Variants in TNFRSF11A observed in about 807,000 individuals in gnomAD.
The protein encoded by TNFRSF11A is TNF receptor superfamily member 11a, also known as tumor necrosis factor receptor superfamily member 11A.
In TNFRSF11A, 32 loss-of-function variants were observed where a neutral mutation model predicts 55.7. The ratio of observed to expected loss-of-function variants is 0.57; its 90% CI spans 0.43 to 0.77. The LOEUF (loss-of-function observed/expected upper bound fraction) is 0.77, where lower values mean the gene tolerates loss of function less well. TNFRSF11A is among the 30% of genes least tolerant of loss of function. The pLI is 0.00. For synonymous variants in TNFRSF11A, 311 were observed against 331.0 expected (o/e 0.94, Z 0.65); for missense variants, 753 against 809.8 (o/e 0.93, Z 0.85).
Position 62,354,246 on chromosome 18 carries a change from C to A in TNFRSF11A, c.284-145C>A, listed in dbSNP as rs1056472354. ...AAGTGCGAGGAGGAACTTGGGACTTCTCGAGCAGTGTCCTGGTGATTCACT... is the reference window on the plus strand; with the variant it reads ...AAGTGCGAGGAGGAACTTGGGACTTATCGAGCAGTGTCCTGGTGATTCACT... On this transcript the variant is annotated intron_variant, in intron 3 of 9. Coordinates refer to ENST00000586569, the MANE Select transcript of TNFRSF11A (RefSeq NM_003839.4). 51 of 1,044,072 alleles carry A rather than the reference C, an allele frequency of 4.9e-5. 3 individuals carry two copies. The South Asian group carries it at 9.5e-4, about 20-fold the overall frequency. The allele number at this position is 1,044,072 out of a possible 1,614,324, so 64.7% of individuals were successfully genotyped here.
chr18:62,359,957 G>A lies in TNFRSF11A; in HGVS notation c.524G>A (p.Cys175Tyr). 1.2e-6 allele frequency: 2 copies of A among 1,613,770 alleles called. No homozygotes were observed. Among genetic ancestry groups the A allele is most frequent in the Non-Finnish European group, 1.7e-6 (2 of 1,179,688 alleles). The change falls in exon 6 of 10, where the codon TGT (cysteine) becomes TAT (tyrosine). Residue 175 changes from cysteine to tyrosine, a missense_variant and splice_region_variant. By Grantham distance (194) the Cys-to-Tyr change is radical. Transcript: ENST00000586569. ...CTGAACCACCTTTTCCCCCACAGCTGTACCTTCCTTGGAAAGAGAGTAGAA... is the reference window on the plus strand; with the variant it reads ...CTGAACCACCTTTTCCCCCACAGCTATACCTTCCTTGGAAAGAGAGTAGAA... The part of the protein sequence containing the change: ...STDKCRPWTN[C>Y]TFLGKRVEHH...
chr18:62,345,447 C>T (rs2046369103), intron 1 of TNFRSF11A, among the ~76,000 whole-genome samples: 1 of 152,002 alleles, frequency 6.6e-6, no homozygotes, highest in Non-Finnish European at 1.5e-5. Flanking sequence ...TATCATGTAA[C>T]TAGAGAACAA....
At chr18:62,348,411 T>G (rs1385787214) in intron 2 of TNFRSF11A, among the ~76,000 whole-genome samples, 162 bp downstream of exon 2, 1 of 152,144 alleles carries the variant, frequency 6.6e-6, no homozygotes, top group African/African-American at 2.4e-5. Context: ...TTTCTCTCAA[T>G]AGAGATTTGA....
At chr18:62,384,344 C>T in intron 9 of TNFRSF11A, among the ~76,000 whole-genome samples, 1 of 142,860 alleles carries the variant, frequency 7.0e-6, no homozygotes, top group African/African-American at 2.6e-5. Context: ...CTCCTCTTCC[C>T]CTCCTTTACC....
rs1206260782 is a variant in TNFRSF11A at position 62,376,600 on chromosome 18, ATAT to A, written c.1567+7118_1567+7120del. Among the ~76,000 whole-genome samples the A allele has an allele frequency of 2.0e-5, 3 of 152,074 alleles. No individual in the cohort carries two copies. In the South Asian group the frequency reaches 6.2e-4, roughly 32 times the overall value. On this transcript the variant is annotated intron_variant, in intron 9 of 9. Coordinates refer to ENST00000586569, the MANE Select transcript of TNFRSF11A (RefSeq NM_003839.4). ...TACATTTGCTGCACTTGACGAGCGC[ATAT>A]TGACACATTGGGGTCCACTCTTTGT...
chr18:62,377,837 G>T (rs1159705298), intron 9 of TNFRSF11A, among the ~76,000 whole-genome samples: 9 of 152,146 alleles, frequency 5.9e-5, no homozygotes, highest in Admixed American at 5.9e-4. Flanking sequence ...CCAGTCTGCG[G>T]CTTGTTTCTT....
chr18:62,369,578 CT>C, intron 9 of TNFRSF11A, 94 bp downstream of exon 9: 17 of 1,490,834 alleles, frequency 1.1e-5, no homozygotes, highest in Non-Finnish European at 1.6e-5. Context: ...AAGGAGGAAG[CT>C]AATGGGAAAA....
At chr18:62,381,846 T>G (rs1276954817) in intron 9 of TNFRSF11A, among the ~76,000 whole-genome samples, 2 of 152,194 alleles carry the variant, frequency 1.3e-5, no homozygotes, top group Admixed American at 6.5e-5. Context: ...CTTTTTAGTT[T>G]TCACTTTGAC....
At chr18:62,378,132 G>A (rs1167626464) in intron 9 of TNFRSF11A, 4 of 152,240 alleles carry the variant, frequency 2.6e-5, no homozygotes, top group African/African-American at 9.6e-5. Flanking sequence ...TCGCAGATCA[G>A]ATGTGAGCTC....
At chr18:62,326,081 G>T (rs1163018264) in intron 1 of TNFRSF11A, among the ~76,000 whole-genome samples, 1 of 152,254 alleles carries the variant, frequency 6.6e-6, no homozygotes, top group African/African-American at 2.4e-5. Flanking sequence ...AGCGAATGCA[G>T]CCAGGCACGG....
At position 62,391,223 on chromosome 18, in the gene TNFRSF11A, G is replaced by C. The variant is rs191189157; in HGVS notation, c.*6189G>C. On this transcript the variant is annotated 3_prime_UTR_variant, in exon 10 of 10. Coordinates refer to ENST00000586569, the MANE Select transcript of TNFRSF11A (RefSeq NM_003839.4). ...GTAGTCCATTGTATGGATGTACTGC[G>C]GTTTATTCACCAACATATGGGTTCT... The C allele has an allele frequency of 6.6e-6, 1 of 152,158 alleles. No individual in the cohort carries two copies. The highest frequency in any genetic ancestry group is 1.9e-4 in the East Asian group (1 of 5,206). 9.4% of individuals were successfully genotyped at this position (152,158 alleles called of 1,614,324 possible).
chr18:62,360,811 T>G (rs1179828186), intron 6 of TNFRSF11A, among the ~76,000 whole-genome samples: 1 of 152,144 alleles, frequency 6.6e-6, no homozygotes, highest in Admixed American at 6.5e-5. Context: ...GCTGGTTACT[T>G]GGTGAGCAGG....
At chr18:62,340,148 C>T (rs942284210) in intron 1 of TNFRSF11A, among the ~76,000 whole-genome samples, 2 of 151,894 alleles carry the variant, frequency 1.3e-5, no homozygotes, top group African/African-American at 4.8e-5. Context: ...GCAGTGATCA[C>T]ACCACTGCAC....
intron 1 of TNFRSF11A, among the ~76,000 whole-genome samples, chr18:62,335,985 A>AG (rs1289780621): frequency 6.6e-6 from 1 of 152,200 alleles, no homozygotes; most frequent in African/African-American, 2.4e-5. Flanking sequence ...CAGGAAGGGA[A>AG]GGGAAGCCAG....
chr18:62,364,405 G>T (rs1044475695), intron 7 of TNFRSF11A, among the ~76,000 whole-genome samples: 1 of 152,102 alleles, frequency 6.6e-6, no homozygotes, highest in African/African-American at 2.4e-5. Flanking sequence ...TTAGCAAAGG[G>T]GACCAAGGGC....
rs1911450435 is a variant in TNFRSF11A at position 62,383,653 on chromosome 18, A to G, written c.1568-1098A>G. On this transcript the variant is annotated intron_variant, in intron 9 of 9. Transcript: ENST00000586569. The surrounding 1 kb of genome is among the most constrained non-coding windows in gnomAD (Gnocchi z 4.2). ...TTAAAATGGAAGAATCGTAAGAGCTAGCAGGTTGCCTAACATTTGTTGGAC... is the reference window on the plus strand; with the variant it reads ...TTAAAATGGAAGAATCGTAAGAGCTGGCAGGTTGCCTAACATTTGTTGGAC... Among the ~76,000 whole-genome samples the G allele has an allele frequency of 6.6e-6, 1 of 152,144 alleles. No individual in the cohort carries two copies. Among genetic ancestry groups the G allele is most frequent in the Admixed American group, 6.5e-5 (1 of 15,286 alleles).
Position 62,337,662 on chromosome 18 carries a change from A to G in TNFRSF11A, c.76-10506A>G, listed in dbSNP as rs1746499792. On this transcript the variant is annotated intron_variant, in intron 1 of 9. Coordinates refer to ENST00000586569, the MANE Select transcript of TNFRSF11A (RefSeq NM_003839.4). ...ACTCCACTCAAATGTCATCTTCTCA[A>G]AGAGGCTTCCTGTAATCATACCACC... Among the ~76,000 whole-genome samples the G allele has an allele frequency of 6.6e-5, 10 of 152,278 alleles. No individual in the cohort carries two copies. In the South Asian group the frequency reaches 2.1e-3, roughly 32 times the overall value.
chr18:62,356,704 G>A (rs931240712), intron 4 of TNFRSF11A, among the ~76,000 whole-genome samples: 34 of 152,186 alleles, frequency 2.2e-4, no homozygotes, highest in African/African-American at 6.5e-4. Context: ...GCTGGGAGGC[G>A]CAGGAACTCT....
Position 62,369,089 on chromosome 18 carries a change from C to T in TNFRSF11A, c.1172C>T (p.Thr391Met), listed in dbSNP as rs200478712. The change falls in exon 9 of 10, where the codon ACG becomes ATG. Residue 391 changes from threonine to methionine, a missense_variant. By Grantham distance (81) the Thr-to-Met change is moderately conservative. Transcript: ENST00000586569. ...GENDSLSQCF[T>M]GTQSTVGSES... ...AATGACAGTTTAAGCCAGTGCTTCA[C>T]GGGGACACAGAGCACAGTGGGTTCA... 3.1e-6 allele frequency: 5 copies of T among 1,614,072 alleles called. No homozygotes were observed. The highest frequency in any genetic ancestry group is 4.2e-6 in the Non-Finnish European group (5 of 1,180,040).
Sources: gnomAD v4.1 joint callset for allele counts (sites outside exome capture counted in the v4.1 genomes callset) on GRCh38, gnomAD v4.1.1 for gene constraint, Gnocchi (gnomAD v3.1) non-coding constraint, MANE v1.5 for transcripts, NCBI Gene and HGNC (gene_info 2026-07-23, HGNC 2026-07-21) for gene names.